Variants in TNR observed in about 807,000 individuals in gnomAD.
The protein encoded by TNR is tenascin R.
TNR carries 45 observed loss-of-function variants against 150.4 expected under a neutral mutation model. The ratio of observed to expected loss-of-function variants is 0.30; its 90% confidence interval spans 0.24 to 0.38. The LOEUF is 0.38. Ranked by LOEUF, TNR falls within the 10% of genes least tolerant of loss-of-function variation. The pLI is 1.00. For missense variants in TNR, 1,544 were observed against 1,759.1 expected, an observed-to-expected ratio of 0.88 and a Z score of 2.19; for synonymous variants, 687 against 678.4, an observed-to-expected ratio of 1.01 and a Z score of -0.20.
intron 2 of TNR, among the ~76,000 whole-genome samples, chr1:175,492,542 C>T (rs551644321): frequency 6.6e-5 from 10 of 152,260 alleles, no homozygotes; most frequent in South Asian, 2.1e-4. Context: ...AGAAAACGAG[C>T]GGTCACAGAG....
chr1:175,722,167 G>C (rs1453675004), intron 1 of TNR, among the ~76,000 whole-genome samples: 1 of 151,980 alleles, frequency 6.6e-6, no homozygotes, highest in Non-Finnish European at 1.5e-5. Flanking sequence ...GCCCTCCCTG[G>C]CCATGGAGGG....
At chr1:175,641,948 G>T (rs1664677078) in intron 1 of TNR, among the ~76,000 whole-genome samples, 1 of 152,202 alleles carries the variant, frequency 6.6e-6, no homozygotes, top group African/African-American at 2.4e-5. Context: ...TCTAATAGGT[G>T]TTAGATACTG....
intron 2 of TNR, among the ~76,000 whole-genome samples, chr1:175,472,854 C>T (rs141013735): frequency 1.9e-4 from 29 of 152,292 alleles, no homozygotes; most frequent in African/African-American, 6.7e-4. Context: ...AGGCCTCACA[C>T]CTGCCCTTCC....
intron 18 of TNR, among the ~76,000 whole-genome samples, chr1:175,342,649 G>A (rs1650578563): frequency 6.6e-6 from 1 of 152,234 alleles, no homozygotes; most frequent in Non-Finnish European, 1.5e-5. Context: ...AACCCAGGAG[G>A]AGAGTGACAA....
intron 2 of TNR, among the ~76,000 whole-genome samples, chr1:175,469,460 G>C (rs1274571867): frequency 2.0e-5 from 3 of 152,090 alleles, no homozygotes; most frequent in Non-Finnish European, 2.9e-5. Flanking sequence ...AAGGTTCAGA[G>C]AACAAGAGAG....
At chr1:175,631,536 T>C (rs111642855) in intron 1 of TNR, among the ~76,000 whole-genome samples, 4 of 152,330 alleles carry the variant, frequency 2.6e-5, no homozygotes, top group African/African-American at 7.2e-5. Flanking sequence ...ATTTTATGTG[T>C]GGCCCAAGAC....
intron 1 of TNR, among the ~76,000 whole-genome samples, chr1:175,739,515 C>T (rs1558099396): frequency 6.6e-6 from 1 of 152,104 alleles, no homozygotes; most frequent in African/African-American, 2.4e-5. Flanking sequence ...CACACACACG[C>T]ACGCACACAC....
At chr1:175,613,518 G>A (rs890183624) in intron 1 of TNR, among the ~76,000 whole-genome samples, 10 of 145,328 alleles carry the variant, frequency 6.9e-5, no homozygotes, top group African/African-American at 2.0e-4. Context: ...CTCGCCTGCA[G>A]CTAATCTCAC....
At chr1:175,522,285 T>TA (rs1206888453) in intron 2 of TNR, among the ~76,000 whole-genome samples, 3 of 152,236 alleles carry the variant, frequency 2.0e-5, no homozygotes, top group African/African-American at 4.8e-5. Flanking sequence ...TAGATAGGGC[T>TA]AACTCATGGC....
rs78211319 is a variant in TNR, at chr1:175,521,948, C to T, written c.-64+6321G>A. Among the ~76,000 whole-genome samples, 29 of 152,332 alleles carry T rather than the reference C, an allele frequency of 1.9e-4. No individual in the cohort carries two copies. In the East Asian group the frequency reaches 5.6e-3, roughly 29 times the overall value. On this transcript the variant is annotated intron_variant, in intron 2 of 22. Coordinates refer to ENST00000367674, the MANE Select transcript of TNR (RefSeq NM_003285.3). The stretch of plus-strand genomic sequence containing the variant: ...GCCCTCTTGGATAAATTCTTAGCCC[C>T]TGGAGTGCAGCAAGCATGATACATA...
intron 1 of TNR, among the ~76,000 whole-genome samples, chr1:175,647,245 T>C (rs971525962): frequency 4.6e-5 from 7 of 152,208 alleles, no homozygotes; most frequent in Non-Finnish European, 7.3e-5. Context: ...TTGAAAGCTC[T>C]TTCTAACCCA....
chr1:175,675,632 C>A (rs936496907), intron 1 of TNR, among the ~76,000 whole-genome samples: 3 of 152,212 alleles, frequency 2.0e-5, no homozygotes, highest in African/African-American at 7.2e-5. Context: ...TCTGCACATC[C>A]TTCATAGGTA....
chr1:175,655,946 G>A (rs373913940), intron 1 of TNR, among the ~76,000 whole-genome samples: 33 of 152,292 alleles, frequency 2.2e-4, no homozygotes, highest in African/African-American at 7.5e-4. Flanking sequence ...GGTTACACAA[G>A]TTGTGCTGTC....
chr1:175,540,409 G>A (rs1162198097), intron 1 of TNR, among the ~76,000 whole-genome samples: 1 of 152,172 alleles, frequency 6.6e-6, no homozygotes, highest in Non-Finnish European at 1.5e-5. Context: ...ATGGTGAGGA[G>A]AAGGGAAAGG....
intron 1 of TNR, among the ~76,000 whole-genome samples, chr1:175,663,775 C>T (rs140457240): frequency 1.8e-3 from 278 of 152,316 alleles, no homozygotes; most frequent in African/African-American, 6.4e-3. Context: ...AGAACTGTGA[C>T]TTACAGGGAG....
intron 1 of TNR, among the ~76,000 whole-genome samples, chr1:175,600,570 C>T (rs1298980089): frequency 6.6e-6 from 1 of 152,184 alleles, no homozygotes; most frequent in African/African-American, 2.4e-5. Flanking sequence ...AGGGTTTGCA[C>T]GTAAAGATAG....
intron 17 of TNR, among the ~76,000 whole-genome samples, chr1:175,354,814 G>GA (rs1414042907): frequency 3.3e-5 from 5 of 152,198 alleles, no homozygotes; most frequent in Non-Finnish European, 7.4e-5. Context: ...TGAGAGCAGA[G>GA]AAAGAGCTGA....
At chr1:175,701,728 G>A (rs539727983) in intron 1 of TNR, among the ~76,000 whole-genome samples, 16 of 152,342 alleles carry the variant, frequency 1.1e-4, no homozygotes, top group African/African-American at 3.8e-4. Flanking sequence ...AGCATTGGGT[G>A]AGAGCAGGGT....
At chr1:175,669,858 G>T (rs922924820) in intron 1 of TNR, among the ~76,000 whole-genome samples, 57 of 152,302 alleles carry the variant, frequency 3.7e-4, no homozygotes, top group African/African-American at 1.3e-3. Flanking sequence ...CACCTTTACT[G>T]CTTCTGAGCA....
Sources: allele counts gnomAD v4.1 joint callset (sites outside exome capture counted in the v4.1 genomes callset), GRCh38; gene constraint gnomAD v4.1.1; transcripts MANE v1.5; gene names NCBI Gene and HGNC (gene_info 2026-07-23, HGNC 2026-07-21).